Variants in ITPRID1 observed in about 807,000 individuals in gnomAD.
ITPRID1 encodes the protein protein ITPRID1.
ITPRID1 carries 96 observed loss-of-function variants against 95.4 expected under a neutral mutation model. The observed-to-expected ratio is 1.01, with a 90% CI of 0.85 to 1.19. ITPRID1 has a LOEUF of 1.19. Ranked by LOEUF, ITPRID1 falls within the 50% of genes most tolerant of loss-of-function variation. The pLI, the probability that ITPRID1 is intolerant of heterozygous loss-of-function variation, is 0.00. For missense variants in ITPRID1, 1,339 were observed against 1,252.9 expected, an observed-to-expected ratio of 1.07 and a Z score of -1.04; for synonymous variants, 510 against 453.6, an observed-to-expected ratio of 1.12 and a Z score of -1.58.
chr7:31,614,513 C>A (rs1005386876), intron 10 of ITPRID1, among the ~76,000 whole-genome samples: 5 of 152,132 alleles, frequency 3.3e-5, no homozygotes, highest in African/African-American at 1.2e-4. Flanking sequence ...ATGAGAGACA[C>A]TTAATAGGTA....
chr7:31,574,945 G>A (rs1317198745), intron 8 of ITPRID1, among the ~76,000 whole-genome samples: 1 of 152,136 alleles, frequency 6.6e-6, no homozygotes, highest in Non-Finnish European at 1.5e-5. Flanking sequence ...GTATCTATTT[G>A]CTCCATGTTG....
rs115518037 is a variant in ITPRID1, at chr7:31,607,227, C to T, written c.1228+24036C>T. ...TAATGCCTGATGTACAGTTGTCATT[C>T]TAGGATATCTTAGCAAAATTAATTT... On this transcript the variant is annotated intron_variant, in intron 10 of 14. Coordinates refer to ENST00000615280, the MANE Select transcript of ITPRID1 (RefSeq NM_001257967.3). Among the ~76,000 whole-genome samples, 67 of 152,256 alleles carry T rather than the reference C, an allele frequency of 4.4e-4. No homozygotes were observed. The Middle Eastern group carries it at 0.01, about 23-fold the overall frequency.
intron 10 of ITPRID1, among the ~76,000 whole-genome samples, chr7:31,602,482 A>G (rs937903931): frequency 1.3e-5 from 2 of 152,094 alleles, no homozygotes; most frequent in Non-Finnish European, 2.9e-5. Context: ...AGCTAACTCC[A>G]TTGTTCTGTA....
chr7:31,623,794 T>C (rs1788165675), intron 10 of ITPRID1, among the ~76,000 whole-genome samples: 1 of 151,784 alleles, frequency 6.6e-6, no homozygotes, highest in African/African-American at 2.4e-5. Flanking sequence ...GAGAAGGAAA[T>C]AAAGGGTATT....
chr7:31,645,053 T>C (rs913420072), intron 12 of ITPRID1, among the ~76,000 whole-genome samples: 16 of 152,198 alleles, frequency 1.1e-4, no homozygotes, highest in African/African-American at 3.9e-4. Flanking sequence ...TCCTCCTTTA[T>C]AGACAAGGAA....
At chr7:31,573,562 C>A (rs1785070566) in intron 7 of ITPRID1, among the ~76,000 whole-genome samples, 4 of 151,930 alleles carry the variant, frequency 2.6e-5, no homozygotes. Context: ...ATTATCTAAA[C>A]TATCTCAAAT....
intron 12 of ITPRID1, among the ~76,000 whole-genome samples, chr7:31,644,176 T>G (rs995641771): frequency 3.3e-5 from 5 of 152,196 alleles, no homozygotes; most frequent in African/African-American, 1.2e-4. Context: ...CAAAGCAAAT[T>G]TTATCATTAA....
intron 9 of ITPRID1, among the ~76,000 whole-genome samples, chr7:31,581,701 T>G (rs1464340184): frequency 1.3e-5 from 2 of 152,190 alleles, no homozygotes; most frequent in African/African-American, 4.8e-5. Context: ...GGCTTTCATT[T>G]TAAATTAATG....
intron 10 of ITPRID1, among the ~76,000 whole-genome samples, chr7:31,625,066 C>T (rs987556283): frequency 2.0e-5 from 3 of 152,140 alleles, no homozygotes; most frequent in Admixed American, 6.5e-5. Flanking sequence ...ATCAAAACCA[C>T]AATGAGATAT....
At chr7:31,549,925 T>C (rs1784227090) in intron 2 of ITPRID1, among the ~76,000 whole-genome samples, 1 of 152,150 alleles carries the variant, frequency 6.6e-6, no homozygotes, top group Non-Finnish European at 1.5e-5. Flanking sequence ...ATGTAATCAT[T>C]GTCACTGCTT....
rs201003005 is a variant in ITPRID1 at position 31,616,160 on chromosome 7, TAC to T, written c.1229-26014_1229-26013del. ...CAAAAATATAAATTATTGGAATTCT[TAC>T]AGTTTTCAAGAATTATGATTTGTTA... On this transcript the variant is annotated intron_variant, in intron 10 of 14. Transcript: ENST00000615280. 3.5e-3 allele frequency among the ~76,000 whole-genome samples: 535 copies of T among 152,046 alleles called. 7 individuals carry two copies. Among genetic ancestry groups the T allele is most frequent in the African/African-American group, 0.012 (499 of 41,466 alleles).
At chr7:31,626,874 C>T (rs997588311) in intron 10 of ITPRID1, among the ~76,000 whole-genome samples, 6 of 152,168 alleles carry the variant, frequency 3.9e-5, no homozygotes, top group African/African-American at 1.4e-4. Context: ...AGTAAGCACC[C>T]AACAGAAAAA....
intron 1 of ITPRID1, among the ~76,000 whole-genome samples, chr7:31,535,183 A>C (rs1408633708): frequency 1.3e-5 from 2 of 152,142 alleles, no homozygotes; most frequent in African/African-American, 4.8e-5. Flanking sequence ...ACAGTTCTAG[A>C]GACTATAATA....
rs28725776 is a variant in ITPRID1 at position 31,566,385 on chromosome 7, A to G, written c.257-3373A>G. On this transcript the variant is annotated intron_variant, in intron 5 of 14. Transcript: ENST00000615280. ...AACCCAGAGCAATAGCAGGCAAACA[A>G]AAAAGACCAAAGCAGTGGCAAGAAT... Among the ~76,000 whole-genome samples, 795 of 152,340 alleles carry G rather than the reference A, an allele frequency of 5.2e-3. 7 individuals carry two copies. Among genetic ancestry groups the G allele is most frequent in the African/African-American group, 0.018 (751 of 41,580 alleles).
chr7:31,657,898 C>T (rs1791373357), downstream of ITPRID1, among the ~76,000 whole-genome samples: 1 of 152,118 alleles, frequency 6.6e-6, no homozygotes, highest in South Asian at 2.1e-4. Flanking sequence ...TGATTATTTT[C>T]AAATTTAGAA....
At chr7:31,590,183 C>T (rs1785804608) in intron 10 of ITPRID1, among the ~76,000 whole-genome samples, 1 of 152,126 alleles carries the variant, frequency 6.6e-6, no homozygotes, top group Non-Finnish European at 1.5e-5. Context: ...ATCCTCCTGC[C>T]TCTGCCTACC....
chr7:31,515,927 A>C (rs1199516029), intron 1 of ITPRID1, among the ~76,000 whole-genome samples: 1 of 152,238 alleles, frequency 6.6e-6, no homozygotes, highest in Non-Finnish European at 1.5e-5. Flanking sequence ...GTTTCATATA[A>C]GATGATAAAA....
intron 10 of ITPRID1, among the ~76,000 whole-genome samples, chr7:31,634,312 C>T (rs1038830831): frequency 5.3e-5 from 8 of 151,978 alleles, no homozygotes; most frequent in African/African-American, 1.2e-4. Context: ...ATTAATGATA[C>T]GAAGATTGAG....
chr7:31,643,537 G>T lies in ITPRID1; in HGVS notation c.2167G>T (p.Ala723Ser). ...CAGCCTGGTGTCGGCTGCTCAGAGG[G>T]CTGTGGCCTTGGGGACTGGTCCCAG... ...SSSLVSAAQR[A>S]VALGTGPRGT... is the part of the protein sequence containing the mutation. Residue 723 changes from alanine to serine, a missense_variant, in exon 12 of 15, where the codon GCT (alanine) becomes TCT (serine). By Grantham distance (99) the Ala-to-Ser change is moderately conservative. Transcript: ENST00000615280. 9.3e-6 allele frequency: 15 copies of T among 1,614,060 alleles called. No homozygotes were observed. The highest frequency in any genetic ancestry group is 1.3e-5 in the Non-Finnish European group (15 of 1,179,910).
Sources: allele counts gnomAD v4.1 joint callset (sites outside exome capture counted in the v4.1 genomes callset), GRCh38; gene constraint gnomAD v4.1.1; transcripts MANE v1.5; gene names NCBI Gene and HGNC (gene_info 2026-07-23, HGNC 2026-07-21).